Variants in PHLPP1 observed in about 807,000 individuals in gnomAD.
PHLPP1 encodes the protein PH domain and leucine rich repeat protein phosphatase 1, also known as PH domain leucine-rich repeat-containing protein phosphatase 1.
In PHLPP1, 42 loss-of-function variants were observed where a neutral mutation model predicts 117.2. The observed-to-expected ratio is 0.36, with a 90% CI of 0.28 to 0.46. PHLPP1 has a LOEUF of 0.46. Ranked by LOEUF, PHLPP1 falls within the 20% of genes least tolerant of loss-of-function variation. PHLPP1 has a pLI of 1.00. For missense variants in PHLPP1, 2,084 were observed against 2,241.9 expected (o/e 0.93, Z 1.42); for synonymous variants, 1,042 against 970.7 (o/e 1.07, Z -1.37).
intron 1 of PHLPP1, among the ~76,000 whole-genome samples, chr18:62,804,308 T>A (rs1159545761): frequency 6.6e-6 from 1 of 152,130 alleles, no homozygotes; most frequent in African/African-American, 2.4e-5. Flanking sequence ...GGGTTACGAT[T>A]TATGATGAGA....
At position 62,978,202 on chromosome 18, in the gene PHLPP1, T is replaced by G; in HGVS notation, c.3985-60T>G. The G allele has an allele frequency of 2.0e-6, 2 of 1,010,160 alleles. No homozygotes were observed. The highest frequency in any genetic ancestry group is 3.0e-6 in the Non-Finnish European group (2 of 671,730). The allele number at this position is 1,010,160 out of a possible 1,614,324, so 62.6% of individuals were successfully genotyped here. A position where few individuals can be genotyped will look rare whatever the true frequency, so the allele number is the denominator to read the frequency against. ...ACAGTCGAGGGACCCGCAGGGAACC[T>G]GCACAGTTGCCGCAGGTGCTCTGTA... On this transcript the variant is annotated intron_variant, in intron 16 of 16. Coordinates refer to ENST00000262719, the MANE Select transcript of PHLPP1 (RefSeq NM_194449.4). This position sits in a 1 kb window ranked among gnomAD's most constrained non-coding sequence, Gnocchi z 7.0.
At chr18:62,825,572 C>T (rs1828254552) in intron 1 of PHLPP1, 1 of 151,288 alleles carries the variant, frequency 6.6e-6, no homozygotes, top group Non-Finnish European at 1.5e-5. Flanking sequence ...GCAGACTTCT[C>T]ACCTCAACTT....
intron 3 of PHLPP1, among the ~76,000 whole-genome samples, chr18:62,858,016 C>G (rs1336420690): frequency 2.6e-5 from 4 of 152,302 alleles, no homozygotes; most frequent in Middle Eastern, 3.4e-3. Context: ...ACTTTCAGGC[C>G]CATTAACATT....
chr18:62,905,333 T>C, intron 8 of PHLPP1, 49 bp downstream of exon 8: 1 of 993,734 alleles, frequency 1.0e-6, no homozygotes, highest in South Asian at 2.8e-5. Flanking sequence ...GAAAATTATT[T>C]AGTAATTCTG....
chr18:62,888,337 GT>G (rs1555679785), intron 4 of PHLPP1, among the ~76,000 whole-genome samples: 3 of 114,626 alleles, frequency 2.6e-5, no homozygotes, highest in Admixed American at 8.4e-5. Context: ...GTGTGTGTAT[GT>G]TTTTTTTTTC....
At chr18:62,867,348 A>C (rs1915795429) in intron 4 of PHLPP1, among the ~76,000 whole-genome samples, 1 of 152,160 alleles carries the variant, frequency 6.6e-6, no homozygotes, top group Non-Finnish European at 1.5e-5. Context: ...CTCACGCCCC[A>C]TCTACCCCAC....
At chr18:62,740,887 T>C (rs1315815105) in intron 1 of PHLPP1, among the ~76,000 whole-genome samples, 2 of 152,068 alleles carry the variant, frequency 1.3e-5, no homozygotes, top group East Asian at 3.9e-4. Context: ...GGCAGGAGAA[T>C]TGCTTGAACC....
intron 4 of PHLPP1, among the ~76,000 whole-genome samples, chr18:62,869,693 T>C (rs931443244): frequency 6.6e-5 from 10 of 152,228 alleles, no homozygotes; most frequent in African/African-American, 2.4e-4. Flanking sequence ...CTGTGTAATA[T>C]AAGGCAGTGA....
At chr18:62,889,242 T>C (rs1916354648) in intron 4 of PHLPP1, among the ~76,000 whole-genome samples, 1 of 152,002 alleles carries the variant, frequency 6.6e-6, no homozygotes, top group Admixed American at 6.6e-5. Flanking sequence ...CAGGGAGGAA[T>C]GCAAAGGGGG....
At position 62,894,944 on chromosome 18, in the gene PHLPP1, A is replaced by G. The variant is rs570692319; in HGVS notation, c.2067-67A>G. 1.7e-5 allele frequency: 23 copies of G among 1,327,690 alleles called. No homozygotes were observed. In the South Asian group the frequency reaches 2.5e-4, roughly 15 times the overall value. The allele number at this position is 1,327,690 out of a possible 1,614,324, so 82.2% of individuals were successfully genotyped here. On this transcript the variant is annotated intron_variant, in intron 4 of 16. Coordinates refer to ENST00000262719, the MANE Select transcript of PHLPP1 (RefSeq NM_194449.4). ...GTTGGGCTAGATTATCTCTTAGGCT[A>G]TGCTAAAATTATGATGTTAATGACA...
At chr18:62,769,646 T>C (rs1010588951) in intron 1 of PHLPP1, among the ~76,000 whole-genome samples, 2 of 152,222 alleles carry the variant, frequency 1.3e-5, no homozygotes, top group South Asian at 4.1e-4. Flanking sequence ...GTTTTCACTT[T>C]ACAAATAATG....
At chr18:62,717,292 C>A (rs1159648954) in intron 1 of PHLPP1, 33 bp downstream of exon 1, 1 of 1,535,892 alleles carries the variant, frequency 6.5e-7, no homozygotes, top group Admixed American at 2.0e-5. Context: ...CGGGTGGTTG[C>A]AAAAGCTGCC....
At chr18:62,863,453 T>G (rs529820168) in intron 4 of PHLPP1, among the ~76,000 whole-genome samples, 1 of 152,296 alleles carries the variant, frequency 6.6e-6, no homozygotes, top group South Asian at 2.1e-4. Flanking sequence ...TCCACCCACC[T>G]CGGCCTCCCA....
chr18:62,881,766 C>A, intron 4 of PHLPP1, among the ~76,000 whole-genome samples: 1 of 152,172 alleles, frequency 6.6e-6, no homozygotes, highest in East Asian at 1.9e-4. Context: ...CATGTGGATT[C>A]ATTTTAGAAG....
intron 12 of PHLPP1, among the ~76,000 whole-genome samples, chr18:62,951,467 T>C (rs931056584): frequency 5.9e-5 from 9 of 152,176 alleles, no homozygotes; most frequent in Admixed American, 3.3e-4. Flanking sequence ...TTAGAGAGGC[T>C]TCTGGAGAAA....
chr18:62,811,034 A>G (rs1914099038), intron 1 of PHLPP1, among the ~76,000 whole-genome samples: 1 of 152,190 alleles, frequency 6.6e-6, no homozygotes, highest in Non-Finnish European at 1.5e-5. Flanking sequence ...AGATATAGAG[A>G]AAAAGGTGAT....
rs1910693500 is a variant in PHLPP1 at position 62,715,652 on chromosome 18, G to A, written c.-32G>A. 1 of 1,262,844 alleles carries A rather than the reference G, an allele frequency of 7.9e-7. No individual in the cohort carries two copies. The highest frequency in any genetic ancestry group is 3.1e-5 in the East Asian group (1 of 31,986). The allele number at this position is 1,262,844 out of a possible 1,614,324, so 78.2% of individuals were successfully genotyped here. On this transcript the variant is annotated 5_prime_UTR_variant, in exon 1 of 17. Coordinates refer to ENST00000262719, the MANE Select transcript of PHLPP1 (RefSeq NM_194449.4). ...CCTCCCTCTCCGCCCGCTGCCTCCG[G>A]AGCTGGGGGGGAAACGCGAAGCCCC... is the stretch of plus-strand genomic sequence containing the variant.
At chr18:62,844,654 A>G (rs1307291510) in intron 3 of PHLPP1, among the ~76,000 whole-genome samples, 2 of 152,064 alleles carry the variant, frequency 1.3e-5, no homozygotes, top group African/African-American at 4.8e-5. Context: ...GAAGATGAGG[A>G]CTCTTCTTAC....
At chr18:62,780,306 G>A (rs1045973109) in intron 1 of PHLPP1, among the ~76,000 whole-genome samples, 2 of 152,068 alleles carry the variant, frequency 1.3e-5, no homozygotes, top group Admixed American at 6.6e-5. Flanking sequence ...GATTTATTGG[G>A]CATATTGATT....
Sources: gnomAD v4.1 joint callset for allele counts (sites outside exome capture counted in the v4.1 genomes callset) on GRCh38, gnomAD v4.1.1 for gene constraint, Gnocchi (gnomAD v3.1) non-coding constraint, MANE v1.5 for transcripts, NCBI Gene and HGNC (gene_info 2026-07-23, HGNC 2026-07-21) for gene names.